MBD2: variants seen among roughly 807,000 people sequenced by gnomAD.
The protein encoded by MBD2 is methyl-CpG-binding domain protein 2.
In MBD2, 9 loss-of-function variants were observed where a neutral mutation model predicts 39.3. That is an observed-to-expected ratio of 0.23 (90% CI 0.14 to 0.40). The LOEUF (loss-of-function observed/expected upper bound fraction) is 0.40, where lower values mean the gene tolerates loss of function less well. Among genes scored for constraint, MBD2 ranks in the 10% least tolerant of loss-of-function variants. MBD2 has a pLI of 1.00. For missense variants in MBD2, 458 were observed against 532.6 expected (o/e 0.86, Z 1.38); for synonymous variants, 233 against 211.1 (o/e 1.10, Z -0.90).
At chr18:54,219,925 C>G (rs1185233678) in intron 1 of MBD2, among the ~76,000 whole-genome samples, 1 of 152,182 alleles carries the variant, frequency 6.6e-6, no homozygotes, top group Non-Finnish European at 1.5e-5. Context: ...CTCAGCCTCC[C>G]GAGTAGCTGG....
chr18:54,161,651 T>C (rs541792092), intron 5 of MBD2, among the ~76,000 whole-genome samples: 1 of 152,368 alleles, frequency 6.6e-6, no homozygotes, highest in Admixed American at 6.5e-5. Flanking sequence ...ATTGATTTTC[T>C]TCTCTCTTGA....
Position 54,162,795 on chromosome 18 carries a change from A to T in MBD2, c.1109+1728T>A, listed in dbSNP as rs1283141347. On this transcript the variant is annotated intron_variant, in intron 5 of 6. Coordinates refer to ENST00000256429, the MANE Select transcript of MBD2 (RefSeq NM_003927.5). ...TGTTTTCTTAAAAAATAAAGTTTTT[A>T]AGAAACTTCATTCATATTCATATGC... Among the ~76,000 whole-genome samples the T allele has an allele frequency of 2.0e-5, 3 of 152,360 alleles. No individual in the cohort carries two copies. The East Asian group carries it at 5.8e-4, about 29-fold the overall frequency.
At chr18:54,186,618 A>C (rs611912) in intron 3 of MBD2, among the ~76,000 whole-genome samples, 5,842 of 152,282 alleles carry the variant, frequency 0.038, 358 homozygotes, top group African/African-American at 0.13. Flanking sequence ...GCACAGTCCT[A>C]TTGGTGAGAC....
At chr18:54,175,989 A>G (rs2086210752) in intron 3 of MBD2, among the ~76,000 whole-genome samples, 1 of 152,216 alleles carries the variant, frequency 6.6e-6, no homozygotes, top group African/African-American at 2.4e-5. Context: ...AATGCGTAAG[A>G]TATGTGATAT....
chr18:54,222,100 C>G (rs998497308), intron 1 of MBD2, among the ~76,000 whole-genome samples: 4 of 152,210 alleles, frequency 2.6e-5, no homozygotes, highest in Non-Finnish European at 4.4e-5. Context: ...TAATTGCCTA[C>G]AAGACATCAG....
At chr18:54,179,981 A>C (rs1393753578) in intron 3 of MBD2, among the ~76,000 whole-genome samples, 1 of 151,184 alleles carries the variant, frequency 6.6e-6, no homozygotes, top group Non-Finnish European at 1.5e-5. Flanking sequence ...ATGTTTATTC[A>C]CATGTAAAGT....
intron 3 of MBD2, among the ~76,000 whole-genome samples, chr18:54,182,332 T>C (rs955800348): frequency 2.6e-5 from 4 of 151,888 alleles, no homozygotes; most frequent in African/African-American, 4.8e-5. Context: ...AAATCAGGGG[T>C]TTTCTGAACA....
chr18:54,184,917 C>A (rs897101115), intron 3 of MBD2, among the ~76,000 whole-genome samples: 5 of 152,162 alleles, frequency 3.3e-5, no homozygotes, highest in South Asian at 2.1e-4. Flanking sequence ...CTGTCCAGAG[C>A]AAAGGAATAT....
At chr18:54,191,305 G>A (rs1395140658) in intron 2 of MBD2, among the ~76,000 whole-genome samples, 1 of 152,070 alleles carries the variant, frequency 6.6e-6, no homozygotes, top group East Asian at 1.9e-4. Flanking sequence ...GCTAATCCTG[G>A]GACCACACCT....
At chr18:54,191,182 G>A (rs1369166759) in intron 2 of MBD2, among the ~76,000 whole-genome samples, 5 of 152,156 alleles carry the variant, frequency 3.3e-5, no homozygotes, top group Admixed American at 1.3e-4. Context: ...CACCCAGAGG[G>A]CTTGTTAAAA....
At chr18:54,177,824 TCTC>T in intron 3 of MBD2, among the ~76,000 whole-genome samples, 1 of 107,530 alleles carries the variant, frequency 9.3e-6, no homozygotes, top group South Asian at 3.5e-4. Context: ...TTTTTTTTCC[TCTC>T]TTTTTTTTTT....
chr18:54,208,408 C>T lies in MBD2; in HGVS notation c.543-3251G>A, dbSNP rs376265642. On this transcript the variant is annotated intron_variant, in intron 1 of 6. Transcript: ENST00000256429. ...TCGGGAGGCTGAGGCAGGAGAATCGCTTGAACCCAGGAGACAGACGTTGCG... is the reference window on the plus strand; with the variant it reads ...TCGGGAGGCTGAGGCAGGAGAATCGTTTGAACCCAGGAGACAGACGTTGCG... Among the ~76,000 whole-genome samples the T allele has an allele frequency of 8.5e-5, 13 of 152,300 alleles. No homozygotes were observed. In the East Asian group the frequency reaches 1.5e-3, roughly 18 times the overall value.
At chr18:54,194,299 C>T (rs551446877) in intron 2 of MBD2, among the ~76,000 whole-genome samples, 28 of 152,126 alleles carry the variant, frequency 1.8e-4, no homozygotes, top group East Asian at 9.6e-4. Context: ...TATTTATATA[C>T]GAACAAACTC....
rs1323056223 is a variant in MBD2 at position 54,152,952 on chromosome 18, T to C, written c.*2372A>G. ...TCTCCTAATTTCAAAGTGTGTGCTC[T>C]TAAAAATCACTCTAAACTGCATACA... On this transcript the variant is annotated 3_prime_UTR_variant, in exon 7 of 7. Transcript: ENST00000256429. 1.3e-5 allele frequency: 2 copies of C among 152,224 alleles called. No homozygotes were observed. The highest frequency in any genetic ancestry group is 1.9e-4 in the East Asian group (1 of 5,198). The allele number at this position is 152,224 out of a possible 1,614,324, so 9.4% of individuals were successfully genotyped here.
intron 5 of MBD2, chr18:54,160,134 C>G: frequency 2.2e-6 from 1 of 451,930 alleles, no homozygotes; most frequent in Non-Finnish European, 4.0e-6. Context: ...ACATGAAATT[C>G]TAGAAAGAGC....
chr18:54,204,817 T>C (rs1468059403), intron 2 of MBD2, among the ~76,000 whole-genome samples, 181 bp downstream of exon 2: 1 of 152,178 alleles, frequency 6.6e-6, no homozygotes, highest in Non-Finnish European at 1.5e-5. Flanking sequence ...GATACTGAAA[T>C]GCTGTTTTCT....
chr18:54,195,924 C>A (rs1328513566), intron 2 of MBD2, among the ~76,000 whole-genome samples: 1 of 152,118 alleles, frequency 6.6e-6, no homozygotes, highest in Non-Finnish European at 1.5e-5. Flanking sequence ...ACCTTTAGGT[C>A]AAATCAAGGC....
At position 54,168,322 on chromosome 18, in the gene MBD2, A is replaced by C. The variant is rs574645459; in HGVS notation, c.841-2156T>G. ...ACAAAAAATTTATAAAGAAAAAATT[A>C]GTAAAAATAAATCCTGGACTGAAAT... On this transcript the variant is annotated intron_variant, in intron 3 of 6. Transcript: ENST00000256429. Among the ~76,000 whole-genome samples the C allele has an allele frequency of 1.8e-3, 276 of 151,760 alleles. 1 individual carries two copies. The highest frequency in any genetic ancestry group is 6.3e-3 in the African/African-American group (261 of 41,482).
At chr18:54,203,734 G>C (rs565278735) in intron 2 of MBD2, among the ~76,000 whole-genome samples, 6 of 152,192 alleles carry the variant, frequency 3.9e-5, no homozygotes, top group Non-Finnish European at 7.3e-5. Flanking sequence ...AACATGACAA[G>C]AGGCAAGAGA....
Sources: allele counts gnomAD v4.1 joint callset (sites outside exome capture counted in the v4.1 genomes callset), GRCh38; gene constraint gnomAD v4.1.1; transcripts MANE v1.5; gene names NCBI Gene and HGNC (gene_info 2026-07-23, HGNC 2026-07-21).